ZNF763: variants seen among roughly 807,000 people sequenced by gnomAD.
ZNF763 encodes zinc finger protein 763.
A neutral mutation model predicts 38.0 loss-of-function variants in ZNF763; 33 were observed. The ratio of observed to expected loss-of-function variants is 0.87; its 90% CI spans 0.66 to 1.16. The LOEUF (loss-of-function observed/expected upper bound fraction) is 1.16, where lower values mean the gene tolerates loss of function less well. Ranked by LOEUF, ZNF763 falls within the 50% of genes most tolerant of loss-of-function variation. ZNF763 has a pLI of 0.00. For synonymous variants in ZNF763, 155 were observed against 160.1 expected, an observed-to-expected ratio of 0.97 and a Z score of 0.24; for missense variants, 423 against 469.1, an observed-to-expected ratio of 0.90 and a Z score of 0.91.
intron 1 of ZNF763, among the ~76,000 whole-genome samples, chr19:11,972,670 T>C (rs767366357): frequency 1.3e-5 from 2 of 152,244 alleles, no homozygotes; most frequent in Non-Finnish European, 2.9e-5. Context: ...CATGGAATGA[T>C]AGTTAATTCA....
chr19:11,971,484 C>T (rs1241353465), intron 1 of ZNF763, among the ~76,000 whole-genome samples: 1 of 152,096 alleles, frequency 6.6e-6, no homozygotes, highest in Non-Finnish European at 1.5e-5. Flanking sequence ...TATAGAGCAT[C>T]TTGGCTGTTC....
At chr19:11,967,390 C>T (rs992372711) in intron 1 of ZNF763, among the ~76,000 whole-genome samples, 1 of 152,088 alleles carries the variant, frequency 6.6e-6, no homozygotes, top group African/African-American at 2.4e-5. Flanking sequence ...CTGGCTAACA[C>T]AGCAAGACCC....
rs1973588298 is a variant in ZNF763, at chr19:11,980,078, T to C, written c.*969T>C. 2.9e-6 allele frequency: 3 copies of C among 1,052,130 alleles called. No homozygotes were observed. The highest frequency in any genetic ancestry group is 2.9e-6 in the Non-Finnish European group (2 of 701,470). 65.2% of individuals were successfully genotyped at this position (1,052,130 alleles called of 1,614,324 possible). A position where few individuals can be genotyped will look rare whatever the true frequency, so the allele number is the denominator to read the frequency against. ...AGAGAAACCCTATGAGTGTAAGCAA[T>C]GTGGAAAAACCTTCAGATCTACCTC... On this transcript the variant is annotated 3_prime_UTR_variant, in exon 4 of 4. Coordinates refer to ENST00000358987, the MANE Select transcript of ZNF763 (RefSeq NM_001367172.2).
intron 1 of ZNF763, among the ~76,000 whole-genome samples, chr19:11,972,942 A>T (rs1973380866): frequency 6.6e-6 from 1 of 152,202 alleles, no homozygotes; most frequent in African/African-American, 2.4e-5. Context: ...AAAAAAAATC[A>T]TTTTAAACCA....
rs1973589916 is a variant in ZNF763 at position 11,980,182 on chromosome 19, C to G, written c.*1073C>G. The G allele has an allele frequency of 1.8e-6, 1 of 556,318 alleles. No homozygotes were observed. Among genetic ancestry groups the G allele is most frequent in the Non-Finnish European group, 3.1e-6 (1 of 321,706 alleles). The allele number at this position is 556,318 out of a possible 1,614,324, so 34.5% of individuals were successfully genotyped here. ...ATCACCTGAGGTCAGGAGTTCAAGA[C>G]TGGCCTGATCAATATGATGAAACCC... On this transcript the variant is annotated 3_prime_UTR_variant, in exon 4 of 4. Coordinates refer to ENST00000358987, the MANE Select transcript of ZNF763 (RefSeq NM_001367172.2).
chr19:11,965,614 A>G (rs1973211064), intron 1 of ZNF763, among the ~76,000 whole-genome samples: 1 of 152,226 alleles, frequency 6.6e-6, no homozygotes, highest in Non-Finnish European at 1.5e-5. Context: ...AATTAAACTG[A>G]AGTACATTAA....
chr19:11,967,415 T>A (rs1183249431), intron 1 of ZNF763, among the ~76,000 whole-genome samples: 10 of 151,952 alleles, frequency 6.6e-5, no homozygotes, highest in Non-Finnish European at 1.3e-4. Flanking sequence ...TCTATTTTGT[T>A]TTTTTTTGAG....
chr19:11,976,787 AC>A, intron 1 of ZNF763: 1 of 1,057,308 alleles, frequency 9.5e-7, no homozygotes, highest in Non-Finnish European at 1.2e-6. Context: ...AATCGCTTGA[AC>A]CCCGGTCATG....
rs534478202 is a variant in ZNF763, at chr19:11,979,187, C to G, written c.*78C>G. Reference sequence around the variant, plus strand: ...GAAAAAACTCACACTGGAGAGAAACCCTATAAATGCATGCCATGTGGTAAA... The same window carrying G: ...GAAAAAACTCACACTGGAGAGAAACGCTATAAATGCATGCCATGTGGTAAA... On this transcript the variant is annotated 3_prime_UTR_variant, in exon 4 of 4. Transcript: ENST00000358987. 9.9e-6 allele frequency: 16 copies of G among 1,611,854 alleles called. No individual in the cohort carries two copies. The highest frequency in any genetic ancestry group is 2.7e-5 in the African/African-American group (2 of 74,560).
Position 11,978,325 on chromosome 19 carries a change from A to G in ZNF763, c.401A>G (p.Tyr134Cys), listed in dbSNP as rs377655049. The G allele has an allele frequency of 2.5e-6, 4 of 1,614,232 alleles. No homozygotes were observed. The African/African-American group carries it at 5.3e-5, about 22-fold the overall frequency. ...AGAGGTGACATTGGGCACAAGGCAT[A>G]CGAGTATCAGGACTATGCACCAAAG... ...NIRGDIGHKA[Y>C]EYQDYAPKPY... is the part of the protein sequence containing the mutation. Residue 134 changes from tyrosine to cysteine, a missense_variant, in exon 4 of 4, where the codon TAC (tyrosine) becomes TGC (cysteine). By Grantham distance (194) the Tyr-to-Cys change is radical. Coordinates refer to ENST00000358987, the MANE Select transcript of ZNF763 (RefSeq NM_001367172.2).
chr19:11,967,261 A>G (rs1973252039), intron 1 of ZNF763, among the ~76,000 whole-genome samples: 1 of 152,164 alleles, frequency 6.6e-6, no homozygotes, highest in African/African-American at 2.4e-5. Flanking sequence ...ACTTGAACCC[A>G]GGAGGCAGAA....
chr19:11,977,116 C>G lies in ZNF763; in HGVS notation c.82C>G (p.Leu28Val), dbSNP rs372760514. ...WALLDISQRK[L>V]YREVMLETFR... ...TTTGCTGGATATTTCGCAGAGGAAA[C>G]TCTACAGGGAAGTGATGCTGGAAAC... The change falls in exon 2 of 4, where the codon CTC becomes GTC. Residue 28 changes from leucine to valine, a missense_variant. Leu to Val is a conservative substitution (Grantham distance 32). Coordinates refer to ENST00000358987, the MANE Select transcript of ZNF763 (RefSeq NM_001367172.2). 9.9e-6 allele frequency: 16 copies of G among 1,614,010 alleles called. No individual in the cohort carries two copies. The African/African-American group carries it at 2.1e-4, about 22-fold the overall frequency.
At chr19:11,966,734 A>G (rs1973236895) in intron 1 of ZNF763, among the ~76,000 whole-genome samples, 1 of 152,106 alleles carries the variant, frequency 6.6e-6, no homozygotes, top group Non-Finnish European at 1.5e-5. Context: ...ACATGAGGAG[A>G]CAAATGAGAT....
Position 11,979,102 on chromosome 19 carries a change from C to G in ZNF763, c.1178C>G (p.Thr393Ser). ...NTPKNALWRK[T>S]L ...CCTAAGAATGCGCTCTGGAGAAAGACCTTATAAATGTTAGATATGTGGGAA... is the reference window on the plus strand; with the variant it reads ...CCTAAGAATGCGCTCTGGAGAAAGAGCTTATAAATGTTAGATATGTGGGAA... Residue 393 changes from threonine (T) to serine (S), a missense_variant, in exon 4 of 4, where the codon ACC becomes AGC. Physicochemically the swap from Thr to Ser is moderately conservative, Grantham distance 58 (BLOSUM62 1). Coordinates refer to ENST00000358987, the MANE Select transcript of ZNF763 (RefSeq NM_001367172.2). 6.2e-7 allele frequency: 1 copy of G among 1,613,850 alleles called. No homozygotes were observed. The highest frequency in any genetic ancestry group is 8.5e-7 in the Non-Finnish European group (1 of 1,179,990).
At chr19:11,965,344 C>T (rs924321027) in intron 1 of ZNF763, 133 bp downstream of exon 1, 13 of 1,284,560 alleles carry the variant, frequency 1.0e-5, no homozygotes, top group Middle Eastern at 2.5e-4. Context: ...TGGAGCTGCT[C>T]GGCCCTCGGT....
chr19:11,974,121 CTTTCTTTT>C (rs1281082962), intron 1 of ZNF763, among the ~76,000 whole-genome samples: 14 of 74,966 alleles, frequency 1.9e-4, no homozygotes, highest in African/African-American at 7.3e-4. Context: ...TTCTTTCTTT[CTTTCTTTT>C]CTTTCTTTCT....
At chr19:11,966,507 G>A (rs1973232325) in intron 1 of ZNF763, among the ~76,000 whole-genome samples, 1 of 152,128 alleles carries the variant, frequency 6.6e-6, no homozygotes, top group African/African-American at 2.4e-5. Flanking sequence ...CTGAGTAGCT[G>A]GGATTACAGA....
intron 1 of ZNF763, among the ~76,000 whole-genome samples, chr19:11,974,118 TTTCTTTCTTTTCTTTCTTTC>T (rs1191778659): frequency 4.3e-5 from 3 of 69,064 alleles, no homozygotes; most frequent in African/African-American, 1.1e-4. Flanking sequence ...TCTTTCTTTC[TTTCTTTCTTTTCTTTCTTTC>T]TTTCTTTCTT....
intron 1 of ZNF763, among the ~76,000 whole-genome samples, chr19:11,974,490 CT>C (rs1372028922): frequency 6.6e-6 from 1 of 151,898 alleles, no homozygotes; most frequent in East Asian, 1.9e-4. Flanking sequence ...GCCACTGCCC[CT>C]GGCCTGTTTT....
Sources: gnomAD v4.1 joint callset for allele counts (sites outside exome capture counted in the v4.1 genomes callset) on GRCh38, gnomAD v4.1.1 for gene constraint, MANE v1.5 for transcripts, NCBI Gene and HGNC (gene_info 2026-07-23, HGNC 2026-07-21) for gene names.